ADGRV1: variants seen among roughly 807,000 people sequenced by gnomAD.
ADGRV1 encodes the protein adhesion G protein-coupled receptor V1, also known as G-protein coupled receptor 98.
ADGRV1 carries 359 observed loss-of-function variants against 596.2 expected under a neutral mutation model. The ratio of observed to expected loss-of-function variants is 0.60; its 90% confidence interval spans 0.55 to 0.66. The LOEUF (loss-of-function observed/expected upper bound fraction) is 0.66. Among genes scored for constraint, ADGRV1 ranks in the 30% least tolerant of loss-of-function variants. The pLI is 0.00. For missense variants in ADGRV1, 7,274 were observed against 7,575.6 expected (o/e 0.96, Z 1.48); for synonymous variants, 2,681 against 2,679.2 (o/e 1.00, Z -0.02).
chr5:90,721,021 T>C lies in ADGRV1; in HGVS notation c.9710T>C (p.Val3237Ala). The C allele has an allele frequency of 1.2e-6, 2 of 1,612,828 alleles. No individual in the cohort carries two copies. Among genetic ancestry groups the C allele is most frequent in the Non-Finnish European group, 1.7e-6 (2 of 1,179,146 alleles). Residue 3237 changes from valine to alanine, a missense_variant, in exon 45 of 90, where the codon GTG becomes GCG. Physicochemically the swap from Val to Ala is moderately conservative, Grantham distance 64. Transcript: ENST00000405460. ...RTNGIDLAVS[V>A]QWETVSETAF... ...AATGGCATTGATTTGGCTGTGAGTG[T>C]GCAGTGGGAGACAGTATCTGAAACA...
At chr5:90,825,379 T>C (rs1363559325) in intron 76 of ADGRV1, among the ~76,000 whole-genome samples, 1 of 152,262 alleles carries the variant, frequency 6.6e-6, no homozygotes, top group African/African-American at 2.4e-5. Flanking sequence ...TTATCAGTTA[T>C]ATGCAGTGTT....
At chr5:90,578,928 G>A (rs1757595122) in intron 1 of ADGRV1, among the ~76,000 whole-genome samples, 1 of 152,174 alleles carries the variant, frequency 6.6e-6, no homozygotes, top group Non-Finnish European at 1.5e-5. Context: ...TCTGATGGTA[G>A]TTTGTATTTC....
Position 90,567,990 on chromosome 5 carries a change from G to A in ADGRV1, c.22+9073G>A, listed in dbSNP as rs1207388814. On this transcript the variant is annotated intron_variant, in intron 1 of 89. Transcript: ENST00000405460. ...TGACCTCAAGTGATCCACCCGCCTC[G>A]GCCTCCCAAAGTATTGGGATTACAG... Among the ~76,000 whole-genome samples the A allele has an allele frequency of 3.9e-5, 6 of 152,002 alleles. No individual in the cohort carries two copies. In the East Asian group the frequency reaches 1.2e-3, roughly 29 times the overall value.
intron 85 of ADGRV1, among the ~76,000 whole-genome samples, chr5:91,025,152 CCTT>C (rs1211424185): frequency 6.6e-6 from 1 of 152,126 alleles, no homozygotes; most frequent in Non-Finnish European, 1.5e-5. Flanking sequence ...GCATAATTCT[CCTT>C]CTCTCTAACA....
chr5:90,985,612 G>T, intron 85 of ADGRV1, 90 bp downstream of exon 85: 1 of 915,464 alleles, frequency 1.1e-6, no homozygotes, highest in South Asian at 1.7e-5. Flanking sequence ...TAAGTACCAG[G>T]AAGATCTTTG....
chr5:90,985,310 G>A, intron 84 of ADGRV1, 34 bp from the exon 85 acceptor site: 1 of 1,514,776 alleles, frequency 6.6e-7, no homozygotes, highest in Non-Finnish European at 9.0e-7. Flanking sequence ...CATTAAAGAA[G>A]AGCCTGTTCA....
chr5:91,111,179 A>T (rs1427867662), intron 87 of ADGRV1, among the ~76,000 whole-genome samples: 1 of 152,166 alleles, frequency 6.6e-6, no homozygotes, highest in Non-Finnish European at 1.5e-5. Flanking sequence ...TCTTAAACAC[A>T]TAAAACATTT....
chr5:90,927,062 T>A lies in ADGRV1; in HGVS notation c.17857-38353T>A, dbSNP rs1211923847. ...GAGAGCTTTACTTCCAAGTATGTGG[T>A]CAATTTTGGAATAGGTGTGGTGTGG... On this transcript the variant is annotated intron_variant, in intron 83 of 89. Transcript: ENST00000405460. Among the ~76,000 whole-genome samples, 832 of 147,188 alleles carry A rather than the reference T, an allele frequency of 5.7e-3. 7 individuals are homozygous for A. Among genetic ancestry groups the A allele is most frequent in the African/African-American group, 0.02 (797 of 39,204 alleles).
intron 84 of ADGRV1, among the ~76,000 whole-genome samples, chr5:90,974,847 A>G (rs184253592): frequency 9.3e-4 from 141 of 152,320 alleles, no homozygotes; most frequent in African/African-American, 2.8e-3. Context: ...GAAATTGACA[A>G]ATGGGATCTA....
intron 83 of ADGRV1, among the ~76,000 whole-genome samples, chr5:90,867,044 T>C (rs1768191732): frequency 6.6e-6 from 1 of 152,102 alleles, no homozygotes; most frequent in Admixed American, 6.6e-5. Context: ...ATCTTTGGGA[T>C]TTTTATCTTT....
At chr5:90,598,384 C>T (rs17541517) in intron 1 of ADGRV1, among the ~76,000 whole-genome samples, 10,821 of 152,300 alleles carry the variant, frequency 0.071, 450 homozygotes, top group Non-Finnish European at 0.093. Context: ...CTTGAAAAGA[C>T]TTGGCGCTAA....
chr5:91,106,707 CT>C (rs937403726), intron 87 of ADGRV1, among the ~76,000 whole-genome samples: 1 of 152,174 alleles, frequency 6.6e-6, no homozygotes, highest in Non-Finnish European at 1.5e-5. Context: ...GAATGAATGG[CT>C]GGGCACTGAC....
chr5:91,090,137 GT>G (rs1333364180), intron 86 of ADGRV1, among the ~76,000 whole-genome samples: 1 of 152,044 alleles, frequency 6.6e-6, no homozygotes, highest in Non-Finnish European at 1.5e-5. Flanking sequence ...CTTTCCCATA[GT>G]TTCAATAATT....
At chr5:90,997,223 G>C (rs1781492594) in intron 85 of ADGRV1, among the ~76,000 whole-genome samples, 1 of 152,126 alleles carries the variant, frequency 6.6e-6, no homozygotes, top group South Asian at 2.1e-4. Flanking sequence ...GTTGAATTCT[G>C]ATCCCGAGTG....
At chr5:90,916,781 C>T (rs1168827234) in intron 83 of ADGRV1, among the ~76,000 whole-genome samples, 2 of 146,172 alleles carry the variant, frequency 1.4e-5, no homozygotes, top group African/African-American at 2.5e-5. Flanking sequence ...TACAGGCGCC[C>T]GCCACTACGC....
chr5:90,643,902 G>T lies in ADGRV1; in HGVS notation c.2653G>T (p.Asp885Tyr). ...CAATATAACGATTCTGAAAAATGAT[G>T]ATCCTCATGGCATTATAGAATTTGT... ...IVNITILKNDDPHGIIEFVSD... is the reference protein window; with the variant it reads ...IVNITILKNDYPHGIIEFVSD... Residue 885 changes from aspartate to tyrosine, a missense_variant, in exon 14 of 90, where the codon GAT becomes TAT. Asp to Tyr is a radical substitution (Grantham distance 160). Transcript: ENST00000405460. 6.2e-7 allele frequency: 1 copy of T among 1,612,140 alleles called. No homozygotes were observed.
chr5:90,896,712 A>G (rs1182852238), intron 83 of ADGRV1, among the ~76,000 whole-genome samples: 1 of 152,156 alleles, frequency 6.6e-6, no homozygotes, highest in Non-Finnish European at 1.5e-5. Context: ...ATGCTTTATT[A>G]TATGGTTTAA....
intron 1 of ADGRV1, among the ~76,000 whole-genome samples, chr5:90,593,001 G>A (rs900117469): frequency 6.6e-6 from 1 of 152,180 alleles, no homozygotes; most frequent in Non-Finnish European, 1.5e-5. Context: ...AGTTTGATGG[G>A]AGTGTAAATT....
At position 91,065,115 on chromosome 5, in the gene ADGRV1, A is replaced by C. The variant is rs563877896; in HGVS notation, c.18153-7332A>C. ...GTACTCTCTATACAAATTAGAAACC[A>C]GTTTGTGATAAATGGTGAACAATTC... On this transcript the variant is annotated intron_variant, in intron 85 of 89. Coordinates refer to ENST00000405460, the MANE Select transcript of ADGRV1 (RefSeq NM_032119.4). Among the ~76,000 whole-genome samples the C allele has an allele frequency of 1.8e-3, 279 of 152,352 alleles. 2 individuals are homozygous for C. Among genetic ancestry groups the C allele is most frequent in the Admixed American group, 8.4e-3 (129 of 15,302 alleles).
Sources: gnomAD v4.1 joint callset for allele counts (sites outside exome capture counted in the v4.1 genomes callset) on GRCh38, gnomAD v4.1.1 for gene constraint, MANE v1.5 for transcripts, NCBI Gene and HGNC (gene_info 2026-07-23, HGNC 2026-07-21) for gene names.